Variants in HS6ST3 observed in about 807,000 individuals in gnomAD.
HS6ST3 encodes the protein heparan sulfate 6-O-sulfotransferase 3.
In HS6ST3, 12 loss-of-function variants were observed where a neutral mutation model predicts 36.7. The ratio of observed to expected loss-of-function variants is 0.33; its 90% CI spans 0.21 to 0.53. HS6ST3 has a LOEUF of 0.53. Ranked by LOEUF, HS6ST3 falls within the 20% of genes least tolerant of loss-of-function variation. The probability of loss-of-function intolerance (pLI) is 0.95; values close to 1 mark genes in which losing one functional copy is unlikely to be tolerated. For synonymous variants in HS6ST3, 240 were observed against 257.5 expected (o/e 0.93, Z 0.65); for missense variants, 584 against 640.9 (o/e 0.91, Z 0.96).
At chr13:96,631,464 T>G (rs1177555781) in intron 1 of HS6ST3, among the ~76,000 whole-genome samples, 1 of 152,246 alleles carries the variant, frequency 6.6e-6, no homozygotes, top group Non-Finnish European at 1.5e-5. Context: ...CTTTGTCCAA[T>G]AGCTTTCAAA....
At chr13:96,615,557 A>G (rs2056471227) in intron 1 of HS6ST3, among the ~76,000 whole-genome samples, 1 of 152,208 alleles carries the variant, frequency 6.6e-6, no homozygotes. Flanking sequence ...AGTCTCAATA[A>G]ATCATATCTG....
At chr13:96,341,239 A>C (rs1051164611) in intron 1 of HS6ST3, among the ~76,000 whole-genome samples, 2 of 151,990 alleles carry the variant, frequency 1.3e-5, no homozygotes, top group African/African-American at 4.8e-5. Context: ...ATAAAGACTT[A>C]CTCCAATTTT....
chr13:96,447,989 T>C (rs1361474916), intron 1 of HS6ST3, among the ~76,000 whole-genome samples: 1 of 152,196 alleles, frequency 6.6e-6, no homozygotes, highest in Non-Finnish European at 1.5e-5. Context: ...ATCAGAGCTG[T>C]ATCATTATTA....
At chr13:96,732,563 A>AGG (rs1876184012) in intron 1 of HS6ST3, among the ~76,000 whole-genome samples, 1 of 151,898 alleles carries the variant, frequency 6.6e-6, no homozygotes, top group Admixed American at 6.6e-5. Context: ...TTTGCAGTAT[A>AGG]TTTTGAAGTA....
intron 1 of HS6ST3, among the ~76,000 whole-genome samples, chr13:96,770,992 A>C (rs896827452): frequency 1.3e-5 from 2 of 152,114 alleles, no homozygotes; most frequent in Non-Finnish European, 2.9e-5. Context: ...TTCTTAATCC[A>C]GTCTATCATT....
chr13:96,487,299 C>T (rs1204746382), intron 1 of HS6ST3, among the ~76,000 whole-genome samples: 1 of 152,014 alleles, frequency 6.6e-6, no homozygotes, highest in Non-Finnish European at 1.5e-5. Flanking sequence ...GACCCTCTTG[C>T]TTGTTTTGAA....
At chr13:96,137,013 A>G (rs1397685787) in intron 1 of HS6ST3, among the ~76,000 whole-genome samples, 6 of 152,086 alleles carry the variant, frequency 3.9e-5, no homozygotes, top group African/African-American at 1.4e-4. Context: ...GACTTATTTT[A>G]TCCCAGTTTT....
chr13:96,325,826 A>C (rs904005410), intron 1 of HS6ST3, among the ~76,000 whole-genome samples: 2 of 152,216 alleles, frequency 1.3e-5, no homozygotes, highest in Non-Finnish European at 2.9e-5. Flanking sequence ...AAATCCACTT[A>C]AATTGACAGA....
intron 1 of HS6ST3, among the ~76,000 whole-genome samples, chr13:96,345,821 A>G (rs1202166663): frequency 1.3e-5 from 2 of 152,186 alleles, no homozygotes; most frequent in Non-Finnish European, 2.9e-5. Flanking sequence ...ATACACTAAC[A>G]TGAATGATAT....
At chr13:96,244,363 A>G (rs2054575205) in intron 1 of HS6ST3, among the ~76,000 whole-genome samples, 2 of 152,188 alleles carry the variant, frequency 1.3e-5, no homozygotes, top group South Asian at 4.1e-4. Context: ...CATCAAAACC[A>G]GTATTATAAT....
intron 1 of HS6ST3, among the ~76,000 whole-genome samples, chr13:96,203,906 ACTAT>A (rs1348799183): frequency 2.0e-5 from 3 of 152,214 alleles, no homozygotes; most frequent in South Asian, 2.1e-4. Flanking sequence ...CACAAAGATT[ACTAT>A]CTATTTGGTA....
At chr13:96,524,618 A>G (rs1055955348) in intron 1 of HS6ST3, among the ~76,000 whole-genome samples, 2 of 152,158 alleles carry the variant, frequency 1.3e-5, no homozygotes, top group Non-Finnish European at 2.9e-5. Flanking sequence ...AGCTCCAGCA[A>G]CCCAGGTTGA....
chr13:96,808,881 A>T, intron 1 of HS6ST3, among the ~76,000 whole-genome samples: 1 of 152,190 alleles, frequency 6.6e-6, no homozygotes, highest in Non-Finnish European at 1.5e-5. Flanking sequence ...GATGCTTAAT[A>T]GGAAGGAAAT....
chr13:96,728,333 C>T (rs1311057470), intron 1 of HS6ST3, among the ~76,000 whole-genome samples: 1 of 152,114 alleles, frequency 6.6e-6, no homozygotes, highest in Non-Finnish European at 1.5e-5. Context: ...ATGTTAGACT[C>T]ATATGTAGAA....
At chr13:96,626,490 A>G (rs1358482923) in intron 1 of HS6ST3, among the ~76,000 whole-genome samples, 5 of 152,152 alleles carry the variant, frequency 3.3e-5, no homozygotes, top group African/African-American at 1.2e-4. Context: ...TTAAACAAGA[A>G]TTTTACTGTC....
At chr13:96,253,706 C>G (rs1566302245) in intron 1 of HS6ST3, among the ~76,000 whole-genome samples, 1 of 152,174 alleles carries the variant, frequency 6.6e-6, no homozygotes, top group Non-Finnish European at 1.5e-5. Context: ...GACAGTGGCA[C>G]TAGTGAATAA....
At chr13:96,526,132 T>A (rs1312757059) in intron 1 of HS6ST3, among the ~76,000 whole-genome samples, 1 of 152,094 alleles carries the variant, frequency 6.6e-6, no homozygotes, top group Non-Finnish European at 1.5e-5. Context: ...GATTTCTAAT[T>A]TTGGGAACTA....
chr13:96,168,158 T>C (rs1231354637), intron 1 of HS6ST3, among the ~76,000 whole-genome samples: 1 of 152,188 alleles, frequency 6.6e-6, no homozygotes. Flanking sequence ...GGGCCCATGA[T>C]GGTGCTAATT....
chr13:96,739,253 G>C (rs1320155786), intron 1 of HS6ST3, among the ~76,000 whole-genome samples: 2 of 151,040 alleles, frequency 1.3e-5, no homozygotes, highest in African/African-American at 2.4e-5. Context: ...GTGTGTGTGT[G>C]TGTGTGTGTG....
Sources: gnomAD v4.1 joint callset for allele counts (sites outside exome capture counted in the v4.1 genomes callset) on GRCh38, gnomAD v4.1.1 for gene constraint, MANE v1.5 for transcripts, NCBI Gene and HGNC (gene_info 2026-07-23, HGNC 2026-07-21) for gene names.